Variants in TNRC18 observed in about 807,000 individuals in gnomAD.
TNRC18 encodes trinucleotide repeat-containing gene 18 protein.
In TNRC18, 69 loss-of-function variants were observed where a neutral mutation model predicts 226.7. The ratio of observed to expected loss-of-function variants is 0.30; its 90% CI spans 0.25 to 0.37. The LOEUF is 0.37. Ranked by LOEUF, TNRC18 falls within the 10% of genes least tolerant of loss-of-function variation. The probability of loss-of-function intolerance (pLI) is 1.00; values close to 1 mark genes in which losing one functional copy is unlikely to be tolerated. For missense variants in TNRC18, 4,754 were observed against 4,256.6 expected (o/e 1.12, Z -3.25); for synonymous variants, 2,449 against 1,927.6 (o/e 1.27, Z -7.09).
chr7:5,348,754 G>A (rs1226201993), intron 17 of TNRC18, among the ~76,000 whole-genome samples: 2 of 152,154 alleles, frequency 1.3e-5, no homozygotes, highest in Admixed American at 6.5e-5. Context: ...GAAGCAGGCT[G>A]GAGAGGCCAG....
chr7:5,382,480 C>A (rs1425897782), intron 5 of TNRC18, among the ~76,000 whole-genome samples: 1 of 152,218 alleles, frequency 6.6e-6, no homozygotes, highest in Non-Finnish European at 1.5e-5. Context: ...GTTCCCATGG[C>A]AACCCCTTCC....
At chr7:5,338,766 C>T (rs1790372988) in intron 18 of TNRC18, among the ~76,000 whole-genome samples, 1 of 150,742 alleles carries the variant, frequency 6.6e-6, no homozygotes, top group Non-Finnish European at 1.5e-5. Flanking sequence ...ACTGAAAATA[C>T]AAAATTAGCC....
chr7:5,377,446 C>T lies in TNRC18; in HGVS notation c.2386G>A (p.Ala796Thr), dbSNP rs781056777. The change falls in exon 7 of 30, where the codon GCA (alanine) becomes ACA (threonine). Residue 796 changes from alanine to threonine, a missense_variant. By Grantham distance (58) the Ala-to-Thr change is moderately conservative. Coordinates refer to ENST00000430969, the MANE Select transcript of TNRC18 (RefSeq NM_001080495.3). The surrounding 1 kb of genome is among the most constrained non-coding windows in gnomAD (Gnocchi z 5.8). ...CAGGGGTGCGTGGCCAGATGGGCTGCGGGGTCGGCAGACCAGCGACCTGAG... is the reference window on the plus strand; with the variant it reads ...CAGGGGTGCGTGGCCAGATGGGCTGTGGGGTCGGCAGACCAGCGACCTGAG... ...AGSGRWSADP[A>T]AHLATHPWLP... The T allele has an allele frequency of 4.5e-5, 71 of 1,587,414 alleles. No homozygotes were observed. Among genetic ancestry groups the T allele is most frequent in the Non-Finnish European group, 5.5e-5 (64 of 1,168,284 alleles).
Position 5,312,554 on chromosome 7 carries a change from G to A in TNRC18, c.8337C>T (p.Ala2779=), listed in dbSNP as rs757236809. 2.6e-5 allele frequency: 42 copies of A among 1,611,266 alleles called. No individual in the cohort carries two copies. Among genetic ancestry groups the A allele is most frequent in the Admixed American group, 5.0e-5 (3 of 59,980 alleles). ...LPSVENRPKI[A]AFLPARQLWK... is the part of the protein sequence containing the mutation. ...AGAGCTGCCGGGCTGGCAGGAAGGC[G>A]GCGATCTTGGGCCGGTTCTCCACGG... The change falls in exon 27 of 30, where the codon GCC becomes GCT. Residue 2779 remains alanine, a synonymous_variant. Transcript: ENST00000430969. This position sits in a 1 kb window ranked among gnomAD's most constrained non-coding sequence, Gnocchi z 6.3.
rs865820829 is a variant in TNRC18 at position 5,307,864 on chromosome 7, G to A, written c.*242C>T. On this transcript the variant is annotated 3_prime_UTR_variant, in exon 30 of 30. Transcript: ENST00000430969. ...TCCGGCCATACCCTGATAGCTAAGA[G>A]GGGCCCCTGTCCTGGGGGCACTGAG... The A allele has an allele frequency of 8.7e-5, 49 of 562,670 alleles. 1 individual carries two copies. In the Middle Eastern group the frequency reaches 1.9e-3, roughly 22 times the overall value. The allele number at this position is 562,670 out of a possible 1,614,324, so 34.9% of individuals were successfully genotyped here. A position where few individuals can be genotyped will look rare whatever the true frequency, so the allele number is the denominator to read the frequency against.
rs765347431 is a variant in TNRC18, at chr7:5,388,148, G to A, written c.1676C>T (p.Pro559Leu). Residue 559 changes from proline to leucine, a missense_variant, in exon 5 of 30, where the codon CCC (proline) becomes CTC (leucine). Physicochemically the swap from Pro to Leu is moderately conservative, Grantham distance 98 (BLOSUM62 -3). Coordinates refer to ENST00000430969, the MANE Select transcript of TNRC18 (RefSeq NM_001080495.3). ...KAYLDPGAVL[P>L]RSAATCGRPV... ...CCGGCCGCAGGTGGCCGCCGAGCGGGGCAGCACAGCCCCAGGGTCCAGGTA... is the reference window on the plus strand; with the variant it reads ...CCGGCCGCAGGTGGCCGCCGAGCGGAGCAGCACAGCCCCAGGGTCCAGGTA... 1.5e-5 allele frequency: 24 copies of A among 1,565,354 alleles called. 1 individual carries two copies. The highest frequency in any genetic ancestry group is 1.9e-5 in the Non-Finnish European group (22 of 1,157,078).
At chr7:5,367,313 G>T (rs960253246) in intron 11 of TNRC18, among the ~76,000 whole-genome samples, 1 of 151,894 alleles carries the variant, frequency 6.6e-6, no homozygotes, top group African/African-American at 2.4e-5. Flanking sequence ...TGCAGTGAGC[G>T]GAGATCACAC....
chr7:5,347,290 C>T (rs1791296207), intron 17 of TNRC18, among the ~76,000 whole-genome samples: 1 of 151,378 alleles, frequency 6.6e-6, no homozygotes, highest in East Asian at 2.0e-4. Flanking sequence ...TGGGTTCACG[C>T]CATTCTCCTG....
At chr7:5,405,571 AAAAAC>A (rs925558960) in intron 2 of TNRC18, among the ~76,000 whole-genome samples, 15 of 152,096 alleles carry the variant, frequency 9.9e-5, no homozygotes, top group African/African-American at 1.7e-4. Flanking sequence ...TCCGTCTCAA[AAAAAC>A]AAAACAAAAC....
intron 24 of TNRC18, among the ~76,000 whole-genome samples, chr7:5,318,177 C>T (rs1286448087): frequency 6.6e-6 from 1 of 152,082 alleles, no homozygotes; most frequent in East Asian, 1.9e-4. Context: ...TGGCCCAAGC[C>T]TGGCTAATTT....
At chr7:5,347,800 CA>C (rs1265304844) in intron 17 of TNRC18, among the ~76,000 whole-genome samples, 3 of 151,950 alleles carry the variant, frequency 2.0e-5, no homozygotes, top group Non-Finnish European at 4.4e-5. Context: ...ACTAAAAATA[CA>C]AAAATTAACC....
In TNRC18 at chr7:5,389,031, A is replaced by G. The variant is rs2128194964; in HGVS notation, c.793T>C (p.Phe265Leu). ...PPRLAERLSPFLAESKTKNAA... is the reference protein window; with the variant it reads ...PPRLAERLSPLLAESKTKNAA... ...TTCTTGGTCTTGGACTCAGCCAGGA[A>G]GGGCGACAGGCGCTCAGCCAGGCGC... The change falls in exon 5 of 30, where the codon TTC (phenylalanine) becomes CTC (leucine). Residue 265 changes from phenylalanine to leucine, a missense_variant. Phe to Leu is a conservative substitution (Grantham distance 22). Coordinates refer to ENST00000430969, the MANE Select transcript of TNRC18 (RefSeq NM_001080495.3). 1 of 1,308,564 alleles carries G rather than the reference A, an allele frequency of 7.6e-7. No homozygotes were observed. Among genetic ancestry groups the G allele is most frequent in the Non-Finnish European group, 9.8e-7 (1 of 1,018,972 alleles). 81.1% of individuals were successfully genotyped at this position (1,308,564 alleles called of 1,614,324 possible).
rs541568896 is a variant in TNRC18 at position 5,325,428 on chromosome 7, G to GT, written c.6148-181dup. On this transcript the variant is annotated intron_variant, in intron 19 of 29. Transcript: ENST00000430969. ...CGTTTTTGGTTTTGGGTTTTTTTTT[G>GT]TTTTTTTTTTTTTGAGACGGAGTCT... The GT allele has an allele frequency of 0.22, 94,853 of 423,590 alleles. 598 individuals carry two copies. The highest frequency in any genetic ancestry group is 0.31 in the South Asian group (9,221 of 29,890). The allele number at this position is 423,590 out of a possible 1,614,324, so 26.2% of individuals were successfully genotyped here.
intron 10 of TNRC18, among the ~76,000 whole-genome samples, chr7:5,371,578 G>A (rs533251346): frequency 6.6e-6 from 1 of 152,302 alleles, no homozygotes; most frequent in Admixed American, 6.5e-5. Context: ...TTGTCCCCAA[G>A]GTCTTGTGGT....
At chr7:5,353,051 C>T (rs1791993731) in intron 16 of TNRC18, among the ~76,000 whole-genome samples, 1 of 144,922 alleles carries the variant, frequency 6.9e-6, no homozygotes, top group Non-Finnish European at 1.5e-5. Flanking sequence ...TTCACTCCAG[C>T]AAGACCCCAA....
intron 2 of TNRC18, among the ~76,000 whole-genome samples, chr7:5,412,314 G>C (rs56339527): frequency 2.0e-5 from 3 of 150,628 alleles, no homozygotes; most frequent in African/African-American, 7.3e-5. Context: ...GGTGGCTTAC[G>C]CCTGTAATCC....
At chr7:5,320,812 C>A (rs1198082556) in intron 22 of TNRC18, 1 of 622,232 alleles carries the variant, frequency 1.6e-6, no homozygotes, top group Admixed American at 2.9e-5. Context: ...AGGCACAGTC[C>A]AGATCCTGAG....
intron 19 of TNRC18, among the ~76,000 whole-genome samples, chr7:5,330,206 A>G (rs4724562): frequency 0.56 from 85,627 of 151,858 alleles, 24,835 homozygotes; most frequent in East Asian, 0.77. Flanking sequence ...TGCTAGGATT[A>G]CAGGAATGAG....
chr7:5,320,906 A>G (rs1788286614), intron 22 of TNRC18, among the ~76,000 whole-genome samples, 167 bp downstream of exon 22: 1 of 152,170 alleles, frequency 6.6e-6, no homozygotes, highest in Admixed American at 6.5e-5. Context: ...TACTCCCTCA[A>G]AGTGCCCAGG....
Sources: allele counts gnomAD v4.1 joint callset (sites outside exome capture counted in the v4.1 genomes callset), GRCh38; gene constraint gnomAD v4.1.1; non-coding constraint Gnocchi (gnomAD v3.1); transcripts MANE v1.5; gene names NCBI Gene and HGNC (gene_info 2026-07-23, HGNC 2026-07-21).